Variants in XXYLT1 observed in about 807,000 individuals in gnomAD.
XXYLT1 encodes UDP-xylose:alpha-xyloside alpha-1,3-xylosyltransferase.
XXYLT1 carries 20 observed loss-of-function variants against 28.9 expected under a neutral mutation model. That is an observed-to-expected ratio of 0.69 (90% CI 0.49 to 1.00). XXYLT1 has a LOEUF of 1.00. XXYLT1 is among the 50% of genes least tolerant of loss of function. XXYLT1 has a pLI of 0.00. For missense variants in XXYLT1, 542 were observed against 560.1 expected (o/e 0.97, Z 0.33); for synonymous variants, 257 against 253.8 (o/e 1.01, Z -0.12).
intron 3 of XXYLT1, among the ~76,000 whole-genome samples, chr3:195,121,247 C>A (rs1262011733): frequency 2.0e-5 from 3 of 152,220 alleles, no homozygotes; most frequent in Non-Finnish European, 2.9e-5. Flanking sequence ...TCAGGCTACA[C>A]CTACCGAGGC....
At chr3:195,247,839 G>C in intron 1 of XXYLT1, 2 of 702,562 alleles carry the variant, frequency 2.8e-6, no homozygotes, top group Non-Finnish European at 5.2e-6. Context: ...TCTCACCATA[G>C]TGCAGCAGGA....
chr3:195,162,836 T>A (rs1459429846), intron 2 of XXYLT1, among the ~76,000 whole-genome samples: 3 of 152,196 alleles, frequency 2.0e-5, no homozygotes, highest in Non-Finnish European at 4.4e-5. Context: ...CTATTGCCAA[T>A]ATGAAGTGAT....
At position 195,195,565 on chromosome 3, in the gene XXYLT1, T is replaced by A. The variant is rs1156321580; in HGVS notation, c.652+31144A>T. Among the ~76,000 whole-genome samples the A allele has an allele frequency of 6.6e-6, 1 of 152,206 alleles. No homozygotes were observed. The highest frequency in any genetic ancestry group is 1.9e-4 in the East Asian group (1 of 5,196). ...TCCTTTGTTCCTGGAACCATCTAGA[T>A]CCCTGGGGAGAGGCTACCCGTGGTT... On this transcript the variant is annotated intron_variant, in intron 2 of 3. Transcript: ENST00000310380. The surrounding 1 kb of genome is among the most constrained non-coding windows in gnomAD (Gnocchi z 4.4).
At chr3:195,088,447 A>T (rs1489655437) in intron 3 of XXYLT1, among the ~76,000 whole-genome samples, 1 of 144,798 alleles carries the variant, frequency 6.9e-6, no homozygotes, top group Non-Finnish European at 1.5e-5. Context: ...GTACTCCAAC[A>T]GACCTGCAGC....
chr3:195,254,737 C>T (rs1431591992), intron 1 of XXYLT1, among the ~76,000 whole-genome samples: 2 of 152,240 alleles, frequency 1.3e-5, no homozygotes, highest in Non-Finnish European at 2.9e-5. Flanking sequence ...AGGGCCTTCA[C>T]GGGGCCAGGG....
chr3:195,244,635 G>A (rs1320258773), intron 1 of XXYLT1, among the ~76,000 whole-genome samples: 3 of 150,800 alleles, frequency 2.0e-5, no homozygotes, highest in Admixed American at 6.6e-5. Flanking sequence ...GGTGGAGGGC[G>A]CCTGTAATCC....
At position 195,195,498 on chromosome 3, in the gene XXYLT1, T is replaced by C. The variant is rs1722588129; in HGVS notation, c.652+31211A>G. ...CAGTTCTTCCACTGGACAGAGCCTC[T>C]TTCAGCTTTAAAAAAATAAAAGGAC... On this transcript the variant is annotated intron_variant, in intron 2 of 3. Transcript: ENST00000310380. The surrounding 1 kb of genome is among the most constrained non-coding windows in gnomAD (Gnocchi z 4.4). Among the ~76,000 whole-genome samples, 1 of 152,172 alleles carries C rather than the reference T, an allele frequency of 6.6e-6. No individual in the cohort carries two copies. The highest frequency in any genetic ancestry group is 2.1e-4 in the South Asian group (1 of 4,830).
At chr3:195,161,371 C>T (rs1367936998) in intron 2 of XXYLT1, among the ~76,000 whole-genome samples, 1 of 152,172 alleles carries the variant, frequency 6.6e-6, no homozygotes, top group African/African-American at 2.4e-5. Context: ...TTTTAAAGTC[C>T]TCTTATGAGC....
rs1560121842 is a variant in XXYLT1 at position 195,150,843 on chromosome 3, CTCACACA to C, written c.785+5599_785+5605del. 0.042 allele frequency among the ~76,000 whole-genome samples: 6,327 copies of C among 150,012 alleles called. 221 individuals are homozygous for C. Among genetic ancestry groups the C allele is most frequent in the East Asian group, 0.16 (760 of 4,896 alleles). The stretch of plus-strand genomic sequence containing the variant: ...ACACACTCACACATACGCACACTCT[CTCACACA>C]CTCTCACACACACACACACTCTCTC... On this transcript the variant is annotated intron_variant, in intron 3 of 3. Coordinates refer to ENST00000310380, the MANE Select transcript of XXYLT1 (RefSeq NM_152531.5). This position sits in a 1 kb window ranked among gnomAD's most constrained non-coding sequence, Gnocchi z 4.7.
intron 2 of XXYLT1, among the ~76,000 whole-genome samples, chr3:195,174,581 T>C (rs1721565090): frequency 6.6e-6 from 1 of 152,086 alleles, no homozygotes; most frequent in Non-Finnish European, 1.5e-5. Flanking sequence ...CAAGTGATCC[T>C]CCTGCCTCAG....
At chr3:195,113,899 G>T (rs1322496511) in intron 3 of XXYLT1, among the ~76,000 whole-genome samples, 2 of 152,186 alleles carry the variant, frequency 1.3e-5, no homozygotes, top group Non-Finnish European at 2.9e-5. Flanking sequence ...AGTTGGCCAT[G>T]AATGACAGAG....
At position 195,077,831 on chromosome 3, in the gene XXYLT1, T is replaced by C. The variant is rs1715209926; in HGVS notation, c.786-7720A>G. Among the ~76,000 whole-genome samples the C allele has an allele frequency of 1.3e-5, 2 of 152,108 alleles. No homozygotes were observed. The highest frequency in any genetic ancestry group is 4.8e-5 in the African/African-American group (2 of 41,422). On this transcript the variant is annotated intron_variant, in intron 3 of 3. Transcript: ENST00000310380. The surrounding 1 kb of genome is among the most constrained non-coding windows in gnomAD (Gnocchi z 4.8). Reference sequence around the variant, plus strand: ...GTTGCTGCCCCGTATCCTCAGGATGTGCCATGCCCTTCTCGAAGGCTTCTC... The same window carrying C: ...GTTGCTGCCCCGTATCCTCAGGATGCGCCATGCCCTTCTCGAAGGCTTCTC...
intron 1 of XXYLT1, among the ~76,000 whole-genome samples, chr3:195,264,807 G>T (rs576851258): frequency 4.3e-4 from 66 of 152,282 alleles, no homozygotes; most frequent in South Asian, 1.9e-3. Flanking sequence ...GCTCACAACT[G>T]CAGTCCAACA....
Position 195,069,683 on chromosome 3 carries a change from T to C in XXYLT1, c.*32A>G. The C allele has an allele frequency of 6.3e-7, 1 of 1,583,540 alleles. No individual in the cohort carries two copies. Among genetic ancestry groups the C allele is most frequent in the Non-Finnish European group, 8.6e-7 (1 of 1,167,260 alleles). On this transcript the variant is annotated 3_prime_UTR_variant, in exon 4 of 4. Coordinates refer to ENST00000310380, the MANE Select transcript of XXYLT1 (RefSeq NM_152531.5). ...AGGAACCCTGTCCTTCCCCCAGATC[T>C]GGAGGCCCCGGGGGCAAGGCACGGG...
chr3:195,151,194 A>G (rs1400699052), intron 3 of XXYLT1, among the ~76,000 whole-genome samples: 1 of 152,168 alleles, frequency 6.6e-6, no homozygotes, highest in East Asian at 1.9e-4. Context: ...AAGTTTTACA[A>G]TCGTGGGTAG....
rs560753503 is a variant in XXYLT1, at chr3:195,241,274, T to C, written c.505-14418A>G. Among the ~76,000 whole-genome samples the C allele has an allele frequency of 1.9e-3, 283 of 152,306 alleles. 3 individuals are homozygous for C. The highest frequency in any genetic ancestry group is 3.4e-3 in the Middle Eastern group (1 of 294). ...AAATGACAGGCTCTGAGGCTGGTGG[T>C]TGGGGACACAATAGACCCCACTATG... On this transcript the variant is annotated intron_variant, in intron 1 of 3. Coordinates refer to ENST00000310380, the MANE Select transcript of XXYLT1 (RefSeq NM_152531.5).
chr3:195,249,899 A>G (rs188038698), intron 1 of XXYLT1, among the ~76,000 whole-genome samples: 289 of 152,212 alleles, frequency 1.9e-3, no homozygotes, highest in African/African-American at 6.8e-3. Context: ...GAATCCCTCC[A>G]CCACCCACCA....
rs993805305 is a variant in XXYLT1, at chr3:195,270,472, G to C, written c.504+83C>G. ...GGAAGATCCTACCCGCTAGTTCCCC[G>C]GATCCCCTCCGGGAGCGCAAACTGA... On this transcript the variant is annotated intron_variant, in intron 1 of 3. Coordinates refer to ENST00000310380, the MANE Select transcript of XXYLT1 (RefSeq NM_152531.5). 3 of 1,342,380 alleles carry C rather than the reference G, an allele frequency of 2.2e-6. No individual in the cohort carries two copies. The African/African-American group carries it at 4.6e-5, about 21-fold the overall frequency. 83.2% of individuals were successfully genotyped at this position (1,342,380 alleles called of 1,614,324 possible).
intron 1 of XXYLT1, among the ~76,000 whole-genome samples, chr3:195,229,078 G>T (rs191340991): frequency 1.3e-5 from 2 of 152,006 alleles, no homozygotes; most frequent in Non-Finnish European, 2.9e-5. Flanking sequence ...CTCCCAAAGT[G>T]TTGGATTACA....
Sources: allele counts gnomAD v4.1 joint callset (sites outside exome capture counted in the v4.1 genomes callset), GRCh38; gene constraint gnomAD v4.1.1; non-coding constraint Gnocchi (gnomAD v3.1); transcripts MANE v1.5; gene names NCBI Gene and HGNC (gene_info 2026-07-23, HGNC 2026-07-21).